Variants in METTL15 observed in about 807,000 individuals in gnomAD.
The protein encoded by METTL15 is methyltransferase 15, mitochondrial 12S rRNA N4-cytidine, also known as 12S rRNA N(4)-cytidine methyltransferase METTL15.
A neutral mutation model predicts 38.3 loss-of-function variants in METTL15; 34 were observed. The observed-to-expected ratio is 0.89, with a 90% CI of 0.68 to 1.18. The LOEUF is 1.18. METTL15 is among the 50% of genes most tolerant of loss of function. The pLI is 0.00. For missense variants in METTL15, 438 were observed against 498.4 expected (o/e 0.88, Z 1.15); for synonymous variants, 162 against 170.9 (o/e 0.95, Z 0.41).
At chr11:28,500,751 G>A (rs1851575626) in intron 6 of METTL15, among the ~76,000 whole-genome samples, 1 of 152,100 alleles carries the variant, frequency 6.6e-6, no homozygotes, top group Admixed American at 6.5e-5. Flanking sequence ...TTGAACTCCT[G>A]ACCTCAAATG....
At chr11:28,441,149 A>AT (rs889417212) in intron 6 of METTL15, among the ~76,000 whole-genome samples, 52 of 145,124 alleles carry the variant, frequency 3.6e-4, no homozygotes, top group African/African-American at 8.1e-4. Flanking sequence ...GAAATGTCTC[A>AT]TTTTTTTTTT....
chr11:28,212,685 A>G (rs747443952), intron 4 of METTL15, among the ~76,000 whole-genome samples: 3 of 152,220 alleles, frequency 2.0e-5, no homozygotes, highest in Non-Finnish European at 4.4e-5. Flanking sequence ...TGTTTAGGGA[A>G]TAGTGACAAG....
At chr11:28,115,913 C>G (rs979442736) in intron 3 of METTL15, among the ~76,000 whole-genome samples, 1 of 134,116 alleles carries the variant, frequency 7.5e-6, no homozygotes, top group Non-Finnish European at 1.6e-5. Flanking sequence ...TGCATGTATA[C>G]ACAGACACAC....
chr11:28,148,942 T>G lies in METTL15; in HGVS notation c.270+35338T>G, dbSNP rs187430856. The stretch of plus-strand genomic sequence containing the variant: ...ACCCATTAATTTATAACTTACTGCA[T>G]TCATAGCATAATAATACTGCGTTAA... On this transcript the variant is annotated intron_variant, in intron 3 of 6. Coordinates refer to ENST00000407364, the MANE Select transcript of METTL15 (RefSeq NM_001113528.2). Among the ~76,000 whole-genome samples the G allele has an allele frequency of 2.0e-5, 3 of 152,096 alleles. No individual in the cohort carries two copies. The East Asian group carries it at 5.8e-4, about 29-fold the overall frequency.
chr11:28,427,864 C>G (rs776939106), intron 6 of METTL15, among the ~76,000 whole-genome samples: 1 of 152,130 alleles, frequency 6.6e-6, no homozygotes, highest in Non-Finnish European at 1.5e-5. Context: ...CATTTGCAAA[C>G]AAAGATAGTT....
intron 6 of METTL15, chr11:28,328,196 A>G (rs1400582512): frequency 6.3e-7 from 1 of 1,598,534 alleles, no homozygotes; most frequent in Non-Finnish European, 8.5e-7. Context: ...TTCAGTTTTG[A>G]TATGGACATC....
intron 3 of METTL15, among the ~76,000 whole-genome samples, chr11:28,199,192 A>G (rs1035239764): frequency 7.2e-5 from 11 of 152,144 alleles, no homozygotes; most frequent in African/African-American, 2.4e-5. Flanking sequence ...TGTTTTTTAC[A>G]TGAATCAATG....
chr11:28,131,103 C>T (rs943575648), intron 3 of METTL15, among the ~76,000 whole-genome samples: 1 of 151,836 alleles, frequency 6.6e-6, no homozygotes, highest in Non-Finnish European at 1.5e-5. Context: ...AGTCTAAACA[C>T]ATTTTCAGAA....
intron 5 of METTL15, among the ~76,000 whole-genome samples, chr11:28,406,142 A>T (rs1850671840): frequency 6.6e-6 from 1 of 152,118 alleles, no homozygotes; most frequent in African/African-American, 2.4e-5. Context: ...TAATTCTGTG[A>T]AGAATGTCAA....
chr11:28,407,546 A>G (rs944148207), intron 5 of METTL15, among the ~76,000 whole-genome samples: 1 of 152,212 alleles, frequency 6.6e-6, no homozygotes, highest in African/African-American at 2.4e-5. Context: ...GTGGCCAAAA[A>G]GAATATTAGT....
intron 6 of METTL15, among the ~76,000 whole-genome samples, chr11:28,441,072 T>TG (rs1851030936): frequency 1.3e-5 from 2 of 151,710 alleles, no homozygotes. Flanking sequence ...TTTTTTTTTT[T>TG]TTGTAGGATT....
intron 3 of METTL15, among the ~76,000 whole-genome samples, chr11:28,178,070 A>G (rs1851142036): frequency 6.6e-6 from 1 of 151,904 alleles, no homozygotes; most frequent in African/African-American, 2.4e-5. Flanking sequence ...CATAGAGGTT[A>G]GAAGTGATTT....
At chr11:28,218,130 T>C (rs1852993509) in intron 4 of METTL15, among the ~76,000 whole-genome samples, 1 of 152,154 alleles carries the variant, frequency 6.6e-6, no homozygotes, top group Admixed American at 6.5e-5. Flanking sequence ...TGGCATTGAA[T>C]CTATAAATTA....
intron 1 of METTL15, 85 bp from the exon 2 acceptor site, chr11:28,110,081 G>A (rs1851652268): frequency 6.6e-6 from 1 of 152,208 alleles, no homozygotes; most frequent in Admixed American, 6.5e-5. Flanking sequence ...TAGATTTAAA[G>A]TTGTTTCAGA....
intron 6 of METTL15, among the ~76,000 whole-genome samples, chr11:28,301,494 C>T (rs1440368072): frequency 1.3e-5 from 2 of 152,044 alleles, no homozygotes; most frequent in East Asian, 3.9e-4. Context: ...TTATATTGTG[C>T]AACACCATTG....
intron 3 of METTL15, among the ~76,000 whole-genome samples, chr11:28,128,101 A>G (rs1852571318): frequency 6.6e-6 from 1 of 152,094 alleles, no homozygotes; most frequent in Non-Finnish European, 1.5e-5. Flanking sequence ...AGAAGGAAGG[A>G]TTTTCTTGCA....
At chr11:28,391,936 A>G (rs990342284) in intron 5 of METTL15, among the ~76,000 whole-genome samples, 5 of 151,718 alleles carry the variant, frequency 3.3e-5, no homozygotes, top group African/African-American at 1.2e-4. Context: ...TACCAAAAGC[A>G]TGGCAACAAA....
At chr11:28,310,351 T>TAC (rs111303962) in intron 6 of METTL15, among the ~76,000 whole-genome samples, 15,835 of 147,048 alleles carry the variant, frequency 0.11, 1,394 homozygotes, top group East Asian at 0.33. Context: ...TGTTCAGAGG[T>TAC]ACACACACAC....
At chr11:28,193,384 C>G (rs1035239162) in intron 3 of METTL15, among the ~76,000 whole-genome samples, 3 of 152,048 alleles carry the variant, frequency 2.0e-5, no homozygotes, top group Non-Finnish European at 4.4e-5. Context: ...TCTTACATTG[C>G]CAGGGCAGGA....
Sources: allele counts gnomAD v4.1 joint callset (sites outside exome capture counted in the v4.1 genomes callset), GRCh38; gene constraint gnomAD v4.1.1; transcripts MANE v1.5; gene names NCBI Gene and HGNC (gene_info 2026-07-23, HGNC 2026-07-21).